The following ATP6V1H variants were observed in gnomAD, a reference collection of about 807,000 sequenced individuals.
ATP6V1H encodes V-type proton ATPase subunit H.
In ATP6V1H, 39 loss-of-function variants were observed where a neutral mutation model predicts 71.7. The observed-to-expected ratio is 0.54, with a 90% confidence interval of 0.42 to 0.71. The LOEUF (loss-of-function observed/expected upper bound fraction) is 0.71. Ranked by LOEUF, ATP6V1H falls within the 30% of genes least tolerant of loss-of-function variation. The pLI, the probability that ATP6V1H is intolerant of heterozygous loss-of-function variation, is 0.00. For missense variants in ATP6V1H, 509 were observed against 594.9 expected (o/e 0.86, Z 1.50); for synonymous variants, 192 against 199.3 (o/e 0.96, Z 0.31).
chr8:53,756,614 G>A lies in ATP6V1H; in HGVS notation c.1218C>T (p.Val406=), dbSNP rs902243612. ...CAACATCGTGAGCAGCAACAGCTAA[G>A]ACTTGGGGATCATCTGACACTTCCA... ...KLLEVSDDPQ[V]LAVAAHDVGE... is the part of the protein sequence containing the mutation. Residue 406 remains valine (V), a synonymous_variant, in exon 12 of 14, where the codon GTC becomes GTT. Transcript: ENST00000359530. 6.2e-7 allele frequency: 1 copy of A among 1,614,008 alleles called. No homozygotes were observed. Among genetic ancestry groups the A allele is most frequent in the Non-Finnish European group, 8.5e-7 (1 of 1,179,996 alleles).
intron 9 of ATP6V1H, among the ~76,000 whole-genome samples, chr8:53,791,434 T>G (rs182475874): frequency 5.1e-4 from 78 of 152,324 alleles, no homozygotes; most frequent in Non-Finnish European, 1.0e-3. Flanking sequence ...AGAACAAGTC[T>G]GTGCCTTCAG....
At position 53,814,739 on chromosome 8, in the gene ATP6V1H, C is replaced by G; in HGVS notation, c.448G>C (p.Ala150Pro). ...CCTTCCATCAGTTCTTTTCCCCAAG[C>G]TGCTAACTTGGCAATAATTCTTGCT... ...MAARIIAKLA[A>P]WGKELMEGSD... Residue 150 changes from alanine to proline, a missense_variant, in exon 6 of 14, where the codon GCT becomes CCT. Coordinates refer to ENST00000359530, the MANE Select transcript of ATP6V1H (RefSeq NM_015941.4). The G allele has an allele frequency of 6.2e-7, 1 of 1,612,102 alleles. No homozygotes were observed.
In ATP6V1H at chr8:53,784,422, T is replaced by C. The variant is rs532306069; in HGVS notation, c.870+11225A>G. ...TTCCTCCATCCCTTTATTTTGAGCC[T>C]ATGTGTGTCTCTGCACGTGAGATGG... is the stretch of plus-strand genomic sequence containing the variant. On this transcript the variant is annotated intron_variant, in intron 9 of 13. Transcript: ENST00000359530. 4.2e-4 allele frequency among the ~76,000 whole-genome samples: 64 copies of C among 152,296 alleles called. No homozygotes were observed. The East Asian group carries it at 0.01, about 24-fold the overall frequency.
intron 5 of ATP6V1H, among the ~76,000 whole-genome samples, chr8:53,816,562 C>A (rs994977175): frequency 6.6e-6 from 1 of 152,160 alleles, no homozygotes; most frequent in African/African-American, 2.4e-5. Flanking sequence ...CTCTGGGAGG[C>A]CGAGGCAGGC....
At position 53,796,457 on chromosome 8, in the gene ATP6V1H, G is replaced by A. The variant is rs531901277; in HGVS notation, c.678-618C>T. 2.6e-5 allele frequency among the ~76,000 whole-genome samples: 4 copies of A among 151,700 alleles called. No homozygotes were observed. The East Asian group carries it at 7.7e-4, about 29-fold the overall frequency. On this transcript the variant is annotated intron_variant, in intron 8 of 13. Coordinates refer to ENST00000359530, the MANE Select transcript of ATP6V1H (RefSeq NM_015941.4). The stretch of plus-strand genomic sequence containing the variant: ...ATATATACAATAGAAGAAAAGCTAA[G>A]GAAATTGCCCTGGGGAATACCTACA...
Position 53,782,671 on chromosome 8 carries a change from T to G in ATP6V1H, c.871-10504A>C, listed in dbSNP as rs959555734. Among the ~76,000 whole-genome samples, 613 of 152,316 alleles carry G rather than the reference T, an allele frequency of 4.0e-3. 5 individuals are homozygous for G. Among genetic ancestry groups the G allele is most frequent in the Admixed American group, 6.1e-3 (93 of 15,294 alleles). ...TTTGCCCATTCAGTATGATATTGGC[T>G]GTGGGTTTCTCATAGATAGCTCTTA... is the stretch of plus-strand genomic sequence containing the variant. On this transcript the variant is annotated intron_variant, in intron 9 of 13. Transcript: ENST00000359530.
intron 7 of ATP6V1H, among the ~76,000 whole-genome samples, chr8:53,806,103 A>G (rs756086390): frequency 8.5e-5 from 13 of 152,206 alleles, no homozygotes; most frequent in African/African-American, 3.1e-4. Flanking sequence ...GAGAAAAGAA[A>G]GTAAAAGAGG....
chr8:53,807,578 T>C (rs1239228671), intron 7 of ATP6V1H, among the ~76,000 whole-genome samples: 2 of 152,206 alleles, frequency 1.3e-5, no homozygotes, highest in South Asian at 2.1e-4. Flanking sequence ...TTCAGTTATA[T>C]GTAATGTCCA....
intron 9 of ATP6V1H, among the ~76,000 whole-genome samples, chr8:53,773,342 G>A (rs935714946): frequency 2.0e-5 from 3 of 152,000 alleles, no homozygotes; most frequent in African/African-American, 7.2e-5. Flanking sequence ...GTCCACTCAG[G>A]TACGATGGAT....
At chr8:53,767,624 G>A (rs1019023754) in intron 11 of ATP6V1H, among the ~76,000 whole-genome samples, 1 of 152,132 alleles carries the variant, frequency 6.6e-6, no homozygotes, top group African/African-American at 2.4e-5. Flanking sequence ...TACTATCACA[G>A]TAATCTTACT....
chr8:53,824,075 G>A (rs1262205331), intron 4 of ATP6V1H, among the ~76,000 whole-genome samples: 1 of 150,716 alleles, frequency 6.6e-6, no homozygotes, highest in Non-Finnish European at 1.5e-5. Flanking sequence ...AAAAAAATTT[G>A]AAGCATAAGA....
At chr8:53,794,568 G>T (rs906329520) in intron 9 of ATP6V1H, among the ~76,000 whole-genome samples, 2 of 152,124 alleles carry the variant, frequency 1.3e-5, no homozygotes, top group Non-Finnish European at 2.9e-5. Flanking sequence ...GTTTCACTGT[G>T]TTGGCCAGGA....
rs192541513 is a variant in ATP6V1H at position 53,774,841 on chromosome 8, A to G, written c.871-2674T>C. 2.2e-3 allele frequency among the ~76,000 whole-genome samples: 338 copies of G among 152,354 alleles called. 2 individuals are homozygous for G. The highest frequency in any genetic ancestry group is 7.9e-3 in the African/African-American group (327 of 41,586). ...CAATGACCTAAGGAGACAGAGGACA[A>G]TTCAGAGTGACTACAGCGGCTAGAA... On this transcript the variant is annotated intron_variant, in intron 9 of 13. Transcript: ENST00000359530.
intron 9 of ATP6V1H, among the ~76,000 whole-genome samples, chr8:53,791,641 T>C (rs1409131338): frequency 1.3e-5 from 2 of 152,218 alleles, no homozygotes; most frequent in African/African-American, 4.8e-5. Flanking sequence ...CCAAGATAAC[T>C]ATTCCTGGTT....
chr8:53,755,123 G>A (rs1014404621), intron 12 of ATP6V1H, among the ~76,000 whole-genome samples: 3 of 152,158 alleles, frequency 2.0e-5, no homozygotes, highest in African/African-American at 7.2e-5. Context: ...AGAAGGCACT[G>A]GCAACAGCTT....
At chr8:53,777,599 G>A (rs925590010) in intron 9 of ATP6V1H, among the ~76,000 whole-genome samples, 3 of 152,176 alleles carry the variant, frequency 2.0e-5, no homozygotes, top group Admixed American at 2.0e-4. Flanking sequence ...TACACTGGAA[G>A]ATATCCGAAA....
chr8:53,822,155 A>G (rs1034025192), intron 4 of ATP6V1H, among the ~76,000 whole-genome samples: 3 of 152,334 alleles, frequency 2.0e-5, no homozygotes, highest in African/African-American at 4.8e-5. Flanking sequence ...CTCTTCAAGT[A>G]TGAAGATTAC....
intron 8 of ATP6V1H, among the ~76,000 whole-genome samples, chr8:53,800,653 A>G (rs1201547493): frequency 1.3e-5 from 2 of 152,366 alleles, no homozygotes; most frequent in East Asian, 3.9e-4. Flanking sequence ...ACTTCCAGAC[A>G]GTATTCTGCA....
intron 11 of ATP6V1H, among the ~76,000 whole-genome samples, chr8:53,758,529 A>G (rs73682569): frequency 6.6e-6 from 1 of 152,212 alleles, no homozygotes; most frequent in Non-Finnish European, 1.5e-5. Flanking sequence ...ATTTTAATGT[A>G]AATTCTTGGC....
Sources: allele counts gnomAD v4.1 joint callset (sites outside exome capture counted in the v4.1 genomes callset), GRCh38; gene constraint gnomAD v4.1.1; transcripts MANE v1.5; gene names NCBI Gene and HGNC (gene_info 2026-07-23, HGNC 2026-07-21).